BCL7C: variants seen among roughly 807,000 people sequenced by gnomAD.
The protein encoded by BCL7C is BAF chromatin remodeling complex subunit BCL7C.
A neutral mutation model predicts 26.2 loss-of-function variants in BCL7C; 8 were observed. That is an observed-to-expected ratio of 0.30 (90% CI 0.18 to 0.55). BCL7C has a LOEUF of 0.55. BCL7C is among the 20% of genes least tolerant of loss of function. The pLI is 0.93. For synonymous variants in BCL7C, 90 were observed against 116.5 expected, an observed-to-expected ratio of 0.77 and a Z score of 1.47; for missense variants, 262 against 298.5, an observed-to-expected ratio of 0.88 and a Z score of 0.90.
rs115952491 is a variant in BCL7C, at chr16:30,849,497, G to T, written c.529-14349C>A. 8.5e-3 allele frequency among the ~76,000 whole-genome samples: 1,298 copies of T among 152,142 alleles called. 22 individuals carry two copies. Among genetic ancestry groups the T allele is most frequent in the African/African-American group, 0.029 (1,217 of 41,478 alleles). ...GACTGAGTTTAGCTCTATTGCCCAGGCTGGATTGCAGTAGCACGATCTCAA... is the reference window on the plus strand; with the variant it reads ...GACTGAGTTTAGCTCTATTGCCCAGTCTGGATTGCAGTAGCACGATCTCAA... On this transcript the variant is annotated intron_variant, in intron 5 of 5. Transcript: ENST00000380317.
At chr16:30,884,743 C>T (rs151331040), downstream of BCL7C, among the ~76,000 whole-genome samples, 233 of 152,216 alleles carry the variant, frequency 1.5e-3, no homozygotes, top group African/African-American at 4.9e-3. Flanking sequence ...GTAATCCAAC[C>T]ACCTCAGCCT....
chr16:30,861,857 C>CT (rs35135586), intron 5 of BCL7C, among the ~76,000 whole-genome samples: 861 of 68,684 alleles, frequency 0.013, 9 homozygotes, highest in East Asian at 0.025. Context: ...GGACAACATG[C>CT]TTTTTTTTTT....
chr16:30,878,604 G>A (rs1015244321), intron 5 of BCL7C, among the ~76,000 whole-genome samples: 3 of 151,960 alleles, frequency 2.0e-5, no homozygotes, highest in Non-Finnish European at 2.9e-5. Context: ...TGGCACTCTG[G>A]GAGGCCGAGG....
intron 5 of BCL7C, among the ~76,000 whole-genome samples, chr16:30,857,625 C>T (rs1199887032): frequency 1.3e-5 from 2 of 152,086 alleles, no homozygotes; most frequent in Non-Finnish European, 2.9e-5. Context: ...CAAGTTAAAA[C>T]ACCACAAAAC....
Position 30,851,688 on chromosome 16 carries a change from C to T in BCL7C, c.529-16540G>A, listed in dbSNP as rs1003700156. On this transcript the variant is annotated intron_variant, in intron 5 of 5. Transcript: ENST00000380317. ...GCATACTTCTCAGATGTAATGGTTT[C>T]ACTGGGATTCAGAAAGTTGCAGTGG... 12 of 734,782 alleles carry T rather than the reference C, an allele frequency of 1.6e-5. No homozygotes were observed. The South Asian group carries it at 1.8e-4, about 11-fold the overall frequency. 45.5% of individuals were successfully genotyped at this position (734,782 alleles called of 1,614,324 possible). A position where few individuals can be genotyped will look rare whatever the true frequency, so the allele number is the denominator to read the frequency against.
intron 5 of BCL7C, among the ~76,000 whole-genome samples, chr16:30,846,828 T>A (rs1356703150): frequency 6.6e-6 from 1 of 152,230 alleles, no homozygotes; most frequent in Non-Finnish European, 1.5e-5. Flanking sequence ...GGAAGTGGGA[T>A]GCCAGCAACC....
intron 4 of BCL7C, 102 bp from the exon 5 acceptor site, chr16:30,889,047 A>G: frequency 8.7e-7 from 1 of 1,147,618 alleles, no homozygotes; most frequent in Non-Finnish European, 1.3e-6. Flanking sequence ...CACAGAGGGC[A>G]GAGGGCCATG....
intron 5 of BCL7C, among the ~76,000 whole-genome samples, chr16:30,876,955 T>G (rs2054959045): frequency 1.3e-5 from 2 of 151,984 alleles, no homozygotes; most frequent in Non-Finnish European, 1.5e-5. Context: ...GGGCAGGACA[T>G]GAGATGAAGA....
At chr16:30,846,479 G>A (rs571540190) in intron 5 of BCL7C, among the ~76,000 whole-genome samples, 6 of 151,974 alleles carry the variant, frequency 3.9e-5, no homozygotes, top group Admixed American at 3.9e-4. Context: ...CGCCCACCTA[G>A]GCCTCCCAAA....
At chr16:30,874,313 C>T (rs1473475971) in intron 5 of BCL7C, among the ~76,000 whole-genome samples, 1 of 150,336 alleles carries the variant, frequency 6.7e-6, no homozygotes, top group Non-Finnish European at 1.5e-5. Flanking sequence ...AATTATTAAA[C>T]TCCTTGAGTT....
intron 4 of BCL7C, 62 bp from the exon 5 acceptor site, chr16:30,889,007 TG>T: frequency 6.7e-7 from 1 of 1,496,678 alleles, no homozygotes; most frequent in Non-Finnish European, 9.3e-7. Context: ...GCACAGACAG[TG>T]GGGGAAACAG....
At chr16:30,870,110 C>T (rs1366481197) in intron 5 of BCL7C, among the ~76,000 whole-genome samples, 1 of 152,080 alleles carries the variant, frequency 6.6e-6, no homozygotes, top group South Asian at 2.1e-4. Context: ...TAAATGGGAG[C>T]CATTGTTACC....
intron 5 of BCL7C, among the ~76,000 whole-genome samples, chr16:30,864,187 G>A (rs183663446): frequency 3.9e-5 from 6 of 152,178 alleles, no homozygotes; most frequent in Non-Finnish European, 1.5e-5. Context: ...GAAGAGTGTT[G>A]TTTTTTCCTA....
intron 5 of BCL7C, among the ~76,000 whole-genome samples, chr16:30,876,301 C>G (rs1177087846): frequency 6.6e-6 from 1 of 152,174 alleles, no homozygotes; most frequent in Non-Finnish European, 1.5e-5. Flanking sequence ...GAAATAACCA[C>G]GGATGAATCT....
intron 5 of BCL7C, among the ~76,000 whole-genome samples, chr16:30,860,312 A>G (rs919536317): frequency 5.3e-5 from 8 of 152,084 alleles, no homozygotes; most frequent in Admixed American, 5.2e-4. Flanking sequence ...ATTCACCCAC[A>G]TTCCCTTGGT....
At chr16:30,888,783 C>G in intron 5 of BCL7C, 77 bp downstream of exon 5, 1 of 1,404,594 alleles carries the variant, frequency 7.1e-7, no homozygotes, top group South Asian at 1.2e-5. Context: ...CCTCAGGACG[C>G]AGGCTCCAAG....
At chr16:30,862,783 C>T (rs996048918) in intron 5 of BCL7C, among the ~76,000 whole-genome samples, 5 of 152,132 alleles carry the variant, frequency 3.3e-5, no homozygotes, top group Non-Finnish European at 7.3e-5. Context: ...CCTTTGGATA[C>T]CTGGTTTTGC....
chr16:30,839,528 C>T (rs902903886), intron 5 of BCL7C, among the ~76,000 whole-genome samples: 8 of 152,216 alleles, frequency 5.3e-5, no homozygotes, highest in African/African-American at 1.9e-4. Context: ...CATTTAAAAG[C>T]AAGCTCTTCT....
At chr16:30,866,631 CAAAGTT>C (rs768668865) in intron 5 of BCL7C, among the ~76,000 whole-genome samples, 7 of 143,602 alleles carry the variant, frequency 4.9e-5, no homozygotes, top group Non-Finnish European at 1.1e-4. Flanking sequence ...TGAAACCCAC[CAAAGTT>C]AAAGAAAAAA....
Sources: allele counts gnomAD v4.1 joint callset (sites outside exome capture counted in the v4.1 genomes callset), GRCh38; gene constraint gnomAD v4.1.1; transcripts MANE v1.5; gene names NCBI Gene and HGNC (gene_info 2026-07-23, HGNC 2026-07-21).